The following CCSER1 variants were observed in gnomAD, a reference collection of about 807,000 sequenced individuals.
The protein encoded by CCSER1 is serine-rich coiled-coil domain-containing protein 1.
Under a neutral mutation model 82.0 loss-of-function variants are expected in CCSER1, and 41 were observed. The observed-to-expected ratio is 0.50, with a 90% confidence interval of 0.39 to 0.65. The LOEUF is 0.65. Among genes scored for constraint, CCSER1 ranks in the 30% least tolerant of loss-of-function variants. The pLI is 0.00. For synonymous variants in CCSER1, 414 were observed against 383.9 expected (o/e 1.08, Z -0.92); for missense variants, 1,119 against 1,064.2 (o/e 1.05, Z -0.72).
intron 10 of CCSER1, among the ~76,000 whole-genome samples, chr4:91,229,584 C>T (rs1463813304): frequency 6.6e-6 from 1 of 151,994 alleles, no homozygotes; most frequent in Non-Finnish European, 1.5e-5. Context: ...CAGAACCAAC[C>T]CAAATGCCCA....
chr4:90,915,457 T>A (rs1316568535), intron 8 of CCSER1, among the ~76,000 whole-genome samples: 1 of 152,136 alleles, frequency 6.6e-6, no homozygotes, highest in Non-Finnish European at 1.5e-5. Context: ...TTTGACAAAA[T>A]TCAACAACAC....
intron 5 of CCSER1, among the ~76,000 whole-genome samples, chr4:90,566,254 T>C (rs1276419580): frequency 6.6e-6 from 1 of 152,154 alleles, no homozygotes; most frequent in Non-Finnish European, 1.5e-5. Context: ...GTCTGTAGTT[T>C]TATTAATAGT....
At chr4:90,703,464 A>C (rs1031654902) in intron 6 of CCSER1, among the ~76,000 whole-genome samples, 2 of 152,104 alleles carry the variant, frequency 1.3e-5, no homozygotes, top group East Asian at 3.9e-4. Flanking sequence ...TTTGGGGTGG[A>C]GAGTTCTGTA....
intron 9 of CCSER1, among the ~76,000 whole-genome samples, chr4:91,040,694 A>C (rs189354659): frequency 6.6e-6 from 1 of 152,314 alleles, no homozygotes; most frequent in Admixed American, 6.5e-5. Context: ...CAAGATTTTC[A>C]AACAGGAAAC....
intron 3 of CCSER1, among the ~76,000 whole-genome samples, chr4:90,329,271 C>G (rs1738840056): frequency 1.3e-5 from 2 of 151,992 alleles, no homozygotes; most frequent in Admixed American, 6.6e-5. Flanking sequence ...CCAATGTTAC[C>G]TGTTTCAGAA....
chr4:90,538,203 G>A (rs1560683227), intron 5 of CCSER1, among the ~76,000 whole-genome samples: 1 of 152,048 alleles, frequency 6.6e-6, no homozygotes, highest in South Asian at 2.1e-4. Flanking sequence ...GAGTAGGGAT[G>A]GGGCTGGGGG....
At chr4:90,875,072 G>T (rs74931491) in intron 8 of CCSER1, among the ~76,000 whole-genome samples, 220 of 151,914 alleles carry the variant, frequency 1.4e-3, no homozygotes, top group African/African-American at 5.0e-3. Context: ...AACAACAACA[G>T]CAAGAACAAC....
intron 10 of CCSER1, among the ~76,000 whole-genome samples, chr4:91,239,069 C>A (rs568375689): frequency 1.3e-5 from 2 of 151,804 alleles, no homozygotes; most frequent in East Asian, 3.9e-4. Flanking sequence ...CGTGATCCCC[C>A]CCACCTCAGC....
intron 10 of CCSER1, among the ~76,000 whole-genome samples, chr4:91,282,640 T>G (rs1171638989): frequency 1.3e-5 from 2 of 152,172 alleles, no homozygotes; most frequent in Admixed American, 1.3e-4. Flanking sequence ...TTTGCACGTC[T>G]TATTTATCAT....
intron 6 of CCSER1, among the ~76,000 whole-genome samples, chr4:90,631,514 T>C (rs1724429257): frequency 6.6e-6 from 1 of 152,182 alleles, no homozygotes. Context: ...ATAGTAATAG[T>C]GAGATCACAG....
chr4:90,904,938 T>G (rs961061079), intron 8 of CCSER1, among the ~76,000 whole-genome samples: 1 of 152,118 alleles, frequency 6.6e-6, no homozygotes, highest in African/African-American at 2.4e-5. Context: ...TTGAACCTGC[T>G]TCTCCTGAAG....
Position 90,495,285 on chromosome 4 carries a change from G to C in CCSER1, c.1724+26931G>C, listed in dbSNP as rs555513957. On this transcript the variant is annotated intron_variant, in intron 5 of 10. Transcript: ENST00000509176. ...AACTTTGTGAAGCATGTTGTGACTA[G>C]AGAATAGTGCTTTAAAAGCTATAAG... Among the ~76,000 whole-genome samples the C allele has an allele frequency of 1.7e-4, 26 of 152,272 alleles. No homozygotes were observed. In the Middle Eastern group the frequency reaches 0.01, roughly 60 times the overall value.
At chr4:91,151,860 C>A (rs1730242722) in intron 10 of CCSER1, among the ~76,000 whole-genome samples, 1 of 152,124 alleles carries the variant, frequency 6.6e-6, no homozygotes, top group South Asian at 2.1e-4. Flanking sequence ...AATTTCTGTT[C>A]TTTTCCATTT....
chr4:91,049,204 TAGTC>T lies in CCSER1; in HGVS notation c.2173-36742_2173-36739del, dbSNP rs572472184. Among the ~76,000 whole-genome samples, 36 of 152,286 alleles carry T rather than the reference TAGTC, an allele frequency of 2.4e-4. No individual in the cohort carries two copies. In the South Asian group the frequency reaches 5.8e-3, roughly 25 times the overall value. On this transcript the variant is annotated intron_variant, in intron 9 of 10. Coordinates refer to ENST00000509176, the MANE Select transcript of CCSER1 (RefSeq NM_001145065.2). ...ATATGTTTTGTTTATTCTAGGGTAT[TAGTC>T]AGTTTTCACAATTTAACCATGAATT...
At chr4:91,469,422 C>T (rs1464632561) in intron 10 of CCSER1, among the ~76,000 whole-genome samples, 1 of 152,132 alleles carries the variant, frequency 6.6e-6, no homozygotes, top group African/African-American at 2.4e-5. Flanking sequence ...GCAGATTTTT[C>T]GTTCAGCTTA....
intron 5 of CCSER1, among the ~76,000 whole-genome samples, chr4:90,620,874 C>T (rs1192802692): frequency 2.6e-5 from 4 of 152,038 alleles, no homozygotes; most frequent in African/African-American, 7.2e-5. Context: ...AGTGCAGTGG[C>T]GCGATCTCAG....
intron 3 of CCSER1, among the ~76,000 whole-genome samples, chr4:90,329,688 A>T (rs1313276964): frequency 6.6e-6 from 1 of 152,126 alleles, no homozygotes; most frequent in African/African-American, 2.4e-5. Flanking sequence ...ACTTAGAAAA[A>T]AATTAATTGA....
At chr4:91,394,829 G>C (rs1353817246) in intron 10 of CCSER1, among the ~76,000 whole-genome samples, 1 of 150,312 alleles carries the variant, frequency 6.7e-6, no homozygotes, top group Non-Finnish European at 1.5e-5. Flanking sequence ...GTATAATAGA[G>C]AAAAAGAATT....
chr4:90,787,938 A>C (rs720327), intron 7 of CCSER1, among the ~76,000 whole-genome samples: 9,019 of 152,274 alleles, frequency 0.059, 367 homozygotes, highest in Admixed American at 0.11. Flanking sequence ...AGATGAGTAT[A>C]GTGTGAAGGT....
Sources: gnomAD v4.1 joint callset for allele counts (sites outside exome capture counted in the v4.1 genomes callset) on GRCh38, gnomAD v4.1.1 for gene constraint, MANE v1.5 for transcripts, NCBI Gene and HGNC (gene_info 2026-07-23, HGNC 2026-07-21) for gene names.